Variants in SH3BP2 observed in about 807,000 individuals in gnomAD.
The protein encoded by SH3BP2 is SH3 domain binding protein 2.
SH3BP2 carries 38 observed loss-of-function variants against 56.2 expected under a neutral mutation model. The observed-to-expected ratio is 0.68, with a 90% confidence interval of 0.52 to 0.89. SH3BP2 has a LOEUF of 0.89. SH3BP2 is among the 40% of genes least tolerant of loss of function. SH3BP2 has a pLI of 0.00. For synonymous variants in SH3BP2, 346 were observed against 316.7 expected, an observed-to-expected ratio of 1.09 and a Z score of -0.98; for missense variants, 748 against 762.6, an observed-to-expected ratio of 0.98 and a Z score of 0.23.
intron 1 of SH3BP2, among the ~76,000 whole-genome samples, chr4:2,813,082 C>T (rs189141534): frequency 2.6e-5 from 4 of 152,156 alleles, no homozygotes; most frequent in African/African-American, 7.2e-5. Context: ...TGGGCCTTTA[C>T]GGGAGAATTT....
At chr4:2,818,662 C>T (rs1724130807) in intron 1 of SH3BP2, 1 of 972,274 alleles carries the variant, frequency 1.0e-6, no homozygotes, top group Non-Finnish European at 1.2e-6. Context: ...GGGGCTCCTT[C>T]GGGCCGGGCG....
At chr4:2,820,880 C>T (rs1455037248) in intron 2 of SH3BP2, 127 bp downstream of exon 2, 15 of 1,130,628 alleles carry the variant, frequency 1.3e-5, no homozygotes, top group East Asian at 2.6e-5. Flanking sequence ...CCCATTCCCT[C>T]TCTGGTGGCT....
chr4:2,818,988 G>A, intron 1 of SH3BP2: 1 of 766,536 alleles, frequency 1.3e-6, no homozygotes, highest in Non-Finnish European at 1.6e-6. Context: ...AGACTGGAGA[G>A]CAGTGGCCAA....
chr4:2,818,402 GC>G (rs1724107997), intron 1 of SH3BP2: 1 of 1,170,486 alleles, frequency 8.5e-7, no homozygotes, highest in Non-Finnish European at 1.1e-6. Flanking sequence ...TGAGTACCGA[GC>G]CCCGGCCCCC....
chr4:2,818,407 G>T, intron 1 of SH3BP2: 1 of 1,167,412 alleles, frequency 8.6e-7, no homozygotes, highest in South Asian at 4.2e-5. Flanking sequence ...ACCGAGCCCC[G>T]GCCCCCGAGC....
At chr4:2,827,540 T>A (rs2108735768) in intron 6 of SH3BP2, 66 bp from the exon 7 acceptor site, 4 of 1,500,532 alleles carry the variant, frequency 2.7e-6, no homozygotes, top group Middle Eastern at 1.7e-4. Flanking sequence ...GCCCCATGCA[T>A]GGAGCATTGC....
intron 1 of SH3BP2, among the ~76,000 whole-genome samples, chr4:2,793,510 G>C (rs547460620): frequency 8.1e-4 from 123 of 151,506 alleles, no homozygotes; most frequent in African/African-American, 2.9e-3. Flanking sequence ...GCGCGGCTTC[G>C]GGGCGGGGGC....
intron 1 of SH3BP2, among the ~76,000 whole-genome samples, chr4:2,815,461 G>A (rs2108718234): frequency 6.6e-6 from 1 of 152,336 alleles, no homozygotes; most frequent in Middle Eastern, 3.4e-3. Flanking sequence ...CAGCGGGACA[G>A]CAGCCAGGCA....
intron 1 of SH3BP2, among the ~76,000 whole-genome samples, chr4:2,802,352 C>T (rs368339474): frequency 4.6e-5 from 7 of 151,588 alleles, no homozygotes; most frequent in East Asian, 3.9e-4. Flanking sequence ...CAAGATCGTG[C>T]CACTGCATTC....
chr4:2,812,574 C>T lies in SH3BP2; in HGVS notation c.-4-8040C>T, dbSNP rs372385056. The T allele has an allele frequency of 9.7e-6, 14 of 1,437,690 alleles. No individual in the cohort carries two copies. In the African/African-American group the frequency reaches 1.4e-4, roughly 15 times the overall value. 89.1% of individuals were successfully genotyped at this position (1,437,690 alleles called of 1,614,324 possible). A position where few individuals can be genotyped will look rare whatever the true frequency, so the allele number is the denominator to read the frequency against. ...GGCCCCACGTGGGAGCCACAGCCTT[C>T]CTCGGGGCTGGCCGTGGGAGCCCAC... On this transcript the variant is annotated intron_variant, in intron 1 of 12. Coordinates refer to ENST00000503393, the MANE Select transcript of SH3BP2 (RefSeq NM_001122681.2).
chr4:2,813,643 G>C (rs1226550603), intron 1 of SH3BP2, among the ~76,000 whole-genome samples: 1 of 152,184 alleles, frequency 6.6e-6, no homozygotes, highest in East Asian at 1.9e-4. Flanking sequence ...GACCGCACTT[G>C]ACAGGTCTTG....
intron 1 of SH3BP2, among the ~76,000 whole-genome samples, chr4:2,808,354 G>C (rs767571756): frequency 1.3e-5 from 2 of 152,180 alleles, no homozygotes; most frequent in Admixed American, 1.3e-4. Context: ...GGGCCCACTT[G>C]GTCAATCCAG....
In SH3BP2 at chr4:2,829,205, C is replaced by T. The variant is rs1272752479; in HGVS notation, c.587-288C>T. Among the ~76,000 whole-genome samples, 1 of 152,158 alleles carries T rather than the reference C, an allele frequency of 6.6e-6. No individual in the cohort carries two copies. Among genetic ancestry groups the T allele is most frequent in the Non-Finnish European group, 1.5e-5 (1 of 68,024 alleles). ...TCTTGACTTCTCTTCCTTTCTCTTC[C>T]TTCCACCTCTGGGAACCTGATGGGC... is the stretch of plus-strand genomic sequence containing the variant. On this transcript the variant is annotated intron_variant, in intron 7 of 12. Transcript: ENST00000503393. The surrounding 1 kb of genome is among the most constrained non-coding windows in gnomAD (Gnocchi z 4.9).
At chr4:2,821,769 T>C (rs1305600406) in intron 2 of SH3BP2, among the ~76,000 whole-genome samples, 3 of 152,144 alleles carry the variant, frequency 2.0e-5, no homozygotes, top group Non-Finnish European at 4.4e-5. Context: ...GGCCTGGAGC[T>C]CCTGAGCTCA....
chr4:2,796,805 G>A lies in SH3BP2; in HGVS notation c.-5+3667G>A, dbSNP rs1281058694. Reference sequence around the variant, plus strand: ...CACCCCAGGGTCAGCCAGGCTGGCAGGCAACAGCCTCAAGAAGGCAGTGTG... The same window carrying A: ...CACCCCAGGGTCAGCCAGGCTGGCAAGCAACAGCCTCAAGAAGGCAGTGTG... On this transcript the variant is annotated intron_variant, in intron 1 of 12. Transcript: ENST00000503393. Among the ~76,000 whole-genome samples, 3 of 152,220 alleles carry A rather than the reference G, an allele frequency of 2.0e-5. 1 individual carries two copies.
intron 1 of SH3BP2, among the ~76,000 whole-genome samples, chr4:2,805,126 T>C (rs867407008): frequency 2.6e-5 from 4 of 152,176 alleles, no homozygotes; most frequent in Admixed American, 6.5e-5. Flanking sequence ...CAGGAGGGTC[T>C]GGTTGGCGGG....
intron 5 of SH3BP2, chr4:2,826,666 CTG>C (rs200953901): frequency 9.2e-6 from 3 of 325,296 alleles, no homozygotes; most frequent in South Asian, 2.2e-5. Context: ...ACGTGTTGCT[CTG>C]TGTGTGTGCA....
At chr4:2,812,035 A>G (rs1173334373) in intron 1 of SH3BP2, 4 of 512,814 alleles carry the variant, frequency 7.8e-6, no homozygotes, top group Non-Finnish European at 1.2e-5. Context: ...GGCAGCAGGG[A>G]GCTTCCTCCC....
chr4:2,802,614 G>GTATGTATGTGGTGTGTGTA (rs1560096122), intron 1 of SH3BP2, among the ~76,000 whole-genome samples: 1 of 146,318 alleles, frequency 6.8e-6, no homozygotes, highest in African/African-American at 2.6e-5. Flanking sequence ...GTATATATGT[G>GTATGTATGTGGTGTGTGTA]TATATATGTG....
Sources: gnomAD v4.1 joint callset for allele counts (sites outside exome capture counted in the v4.1 genomes callset) on GRCh38, gnomAD v4.1.1 for gene constraint, Gnocchi (gnomAD v3.1) non-coding constraint, MANE v1.5 for transcripts, NCBI Gene and HGNC (gene_info 2026-07-23, HGNC 2026-07-21) for gene names.